Variants in CAPZA2 observed in about 807,000 individuals in gnomAD.
CAPZA2 encodes F-actin-capping protein subunit alpha-2.
In CAPZA2, 13 loss-of-function variants were observed where a neutral mutation model predicts 44.0. The observed-to-expected ratio is 0.30, with a 90% confidence interval of 0.19 to 0.47. The LOEUF is 0.47. CAPZA2 is among the 20% of genes least tolerant of loss of function. The pLI is 1.00. For synonymous variants in CAPZA2, 94 were observed against 108.2 expected, an observed-to-expected ratio of 0.87 and a Z score of 0.81; for missense variants, 244 against 338.6, an observed-to-expected ratio of 0.72 and a Z score of 2.19.
chr7:116,886,831 A>T (rs951768460), intron 1 of CAPZA2, among the ~76,000 whole-genome samples: 17 of 152,358 alleles, frequency 1.1e-4, no homozygotes, highest in African/African-American at 3.8e-4. Flanking sequence ...ATGTAGTGTG[A>T]TTGGATGGCT....
chr7:116,888,001 A>G (rs906890494), intron 1 of CAPZA2, 126 bp from the exon 2 acceptor site: 2 of 635,096 alleles, frequency 3.1e-6, no homozygotes, highest in Non-Finnish European at 5.5e-6. Context: ...GTGAAAAAGT[A>G]TCACTGTATT....
At chr7:116,887,926 A>G (rs1269371931) in intron 1 of CAPZA2, among the ~76,000 whole-genome samples, 1 of 152,262 alleles carries the variant, frequency 6.6e-6, no homozygotes, top group Non-Finnish European at 1.5e-5. Context: ...TATTTTATCT[A>G]CATTCAGTCT....
At chr7:116,914,003 C>T (rs1239666128) in intron 8 of CAPZA2, among the ~76,000 whole-genome samples, 6 of 150,422 alleles carry the variant, frequency 4.0e-5, no homozygotes, top group Admixed American at 4.0e-4. Flanking sequence ...TGCTTATATA[C>T]AATTTACAGA....
intron 3 of CAPZA2, among the ~76,000 whole-genome samples, chr7:116,895,941 C>G (rs945558045): frequency 6.6e-6 from 1 of 151,994 alleles, no homozygotes; most frequent in Non-Finnish European, 1.5e-5. Context: ...AATTTGTTAC[C>G]TATCATTGAG....
At chr7:116,883,593 A>G (rs1433215832) in intron 1 of CAPZA2, among the ~76,000 whole-genome samples, 3 of 152,198 alleles carry the variant, frequency 2.0e-5, no homozygotes, top group Non-Finnish European at 4.4e-5. Context: ...TTGACCTCCC[A>G]ACCCTTAGTG....
At chr7:116,915,995 A>G in intron 8 of CAPZA2, 65 bp from the exon 9 acceptor site, 1 of 1,070,220 alleles carries the variant, frequency 9.3e-7, no homozygotes, top group Non-Finnish European at 1.3e-6. Flanking sequence ...AACCATACAT[A>G]TATTTTAAAA....
chr7:116,915,445 A>T lies in CAPZA2; in HGVS notation c.658-615A>T, dbSNP rs1289054170. On this transcript the variant is annotated intron_variant, in intron 8 of 9. Transcript: ENST00000361183. ...TTTTAGGAATGACCATTTTTACTCT[A>T]TCTTAGGAGGTTTTCATTGTTTTAT... 7 of 152,282 alleles carry T rather than the reference A, an allele frequency of 4.6e-5. No homozygotes were observed. In the South Asian group the frequency reaches 1.5e-3, roughly 32 times the overall value. 9.4% of individuals were successfully genotyped at this position (152,282 alleles called of 1,614,324 possible). A position where few individuals can be genotyped will look rare whatever the true frequency, so the allele number is the denominator to read the frequency against.
intron 9 of CAPZA2, among the ~76,000 whole-genome samples, chr7:116,916,582 C>T (rs760736693): frequency 9.9e-5 from 15 of 151,858 alleles, no homozygotes; most frequent in Admixed American, 2.6e-4. Flanking sequence ...GCTGAGATCA[C>T]GCCACTGCAC....
Position 116,912,039 on chromosome 7 carries a change from T to C in CAPZA2, c.586-30T>C, listed in dbSNP as rs1254407873. 2.5e-6 allele frequency: 4 copies of C among 1,609,768 alleles called. No individual in the cohort carries two copies. The East Asian group carries it at 6.7e-5, about 27-fold the overall frequency. ...ATAAGGTTCTTGATGATTCCTGTAA[T>C]GTGGTTTCTGTAATTTCTTTTTCTA... is the stretch of plus-strand genomic sequence containing the variant. On this transcript the variant is annotated intron_variant, in intron 7 of 9. Transcript: ENST00000361183.
intron 1 of CAPZA2, among the ~76,000 whole-genome samples, chr7:116,882,341 G>T (rs1165167075): frequency 1.3e-5 from 2 of 152,084 alleles, no homozygotes; most frequent in Non-Finnish European, 2.9e-5. Context: ...ATTCTATGAT[G>T]AAGGGCTTTT....
At chr7:116,915,929 C>A (rs1791673238) in intron 8 of CAPZA2, 131 bp from the exon 9 acceptor site, 1 of 605,066 alleles carries the variant, frequency 1.7e-6, no homozygotes. Context: ...ATTGATCTTA[C>A]AATATTTATT....
intron 2 of CAPZA2, among the ~76,000 whole-genome samples, chr7:116,890,834 A>G (rs1178065567): frequency 2.7e-5 from 4 of 150,118 alleles, no homozygotes; most frequent in Non-Finnish European, 4.4e-5. Flanking sequence ...GAAGGTAAAT[A>G]TGATATGAAT....
At chr7:116,913,655 C>T (rs1169466003) in intron 8 of CAPZA2, among the ~76,000 whole-genome samples, 2 of 152,118 alleles carry the variant, frequency 1.3e-5, no homozygotes, top group African/African-American at 4.8e-5. Context: ...CTCTGTCACC[C>T]AGGCTGGCAT....
At chr7:116,905,087 C>T (rs1357919922) in intron 5 of CAPZA2, among the ~76,000 whole-genome samples, 1 of 146,596 alleles carries the variant, frequency 6.8e-6, no homozygotes, top group Non-Finnish European at 1.5e-5. Context: ...TGCAGTGAGC[C>T]GAGATTGCGC....
chr7:116,868,706 C>A (rs1214824761), intron 1 of CAPZA2, among the ~76,000 whole-genome samples: 1 of 152,038 alleles, frequency 6.6e-6, no homozygotes, highest in Admixed American at 6.6e-5. Flanking sequence ...TGCATTCCAG[C>A]CTGGGCAATA....
intron 8 of CAPZA2, among the ~76,000 whole-genome samples, chr7:116,914,817 A>C (rs1327158701): frequency 6.6e-6 from 1 of 152,146 alleles, no homozygotes; most frequent in African/African-American, 2.4e-5. Flanking sequence ...CTTTGACCTA[A>C]TTGGTACTCT....
At chr7:116,879,124 CAAAAAAAA>C (rs71148337) in intron 1 of CAPZA2, among the ~76,000 whole-genome samples, 3 of 45,302 alleles carry the variant, frequency 6.6e-5, no homozygotes, top group Admixed American at 2.9e-4. Context: ...AACTCTGTCT[CAAAAAAAA>C]AAAAAAAAAA....
intron 1 of CAPZA2, among the ~76,000 whole-genome samples, chr7:116,878,256 G>C (rs1393473389): frequency 6.6e-6 from 1 of 152,188 alleles, no homozygotes; most frequent in African/African-American, 2.4e-5. Context: ...GGATTACCTA[G>C]AGATTTATTT....
Position 116,906,243 on chromosome 7 carries a change from T to C in CAPZA2, c.427-20T>C. The C allele has an allele frequency of 6.2e-7, 1 of 1,605,260 alleles. No homozygotes were observed. Among genetic ancestry groups the C allele is most frequent in the Non-Finnish European group, 8.5e-7 (1 of 1,178,254 alleles). ...CATGGCCCTAAATTCATTCTTATGC[T>C]TATTTTCTTTGCCAATAAGGTGTAT... On this transcript the variant is annotated intron_variant, in intron 5 of 9. Coordinates refer to ENST00000361183, the MANE Select transcript of CAPZA2 (RefSeq NM_006136.3).
Sources: gnomAD v4.1 joint callset for allele counts (sites outside exome capture counted in the v4.1 genomes callset) on GRCh38, gnomAD v4.1.1 for gene constraint, MANE v1.5 for transcripts, NCBI Gene and HGNC (gene_info 2026-07-23, HGNC 2026-07-21) for gene names.